The following MYT1L variants were observed in gnomAD, a reference collection of about 807,000 sequenced individuals.
The protein encoded by MYT1L is myelin transcription factor 1 like, also known as myelin transcription factor 1-like protein.
In MYT1L, 12 loss-of-function variants were observed where a neutral mutation model predicts 126.7. The ratio of observed to expected loss-of-function variants is 0.09; its 90% CI spans 0.06 to 0.15. The LOEUF (loss-of-function observed/expected upper bound fraction) is 0.15. Ranked by LOEUF, MYT1L falls within the 10% of genes least tolerant of loss-of-function variation. The pLI is 1.00. For missense variants in MYT1L, 979 were observed against 1,585.2 expected (o/e 0.62, Z 6.49); for synonymous variants, 541 against 604.2 (o/e 0.90, Z 1.53).
At chr2:2,278,864 AC>A (rs1316631329) in intron 2 of MYT1L, among the ~76,000 whole-genome samples, 1 of 152,142 alleles carries the variant, frequency 6.6e-6, no homozygotes, top group Admixed American at 6.5e-5. Flanking sequence ...AGGCCACATC[AC>A]CTAAAGGAAA....
intron 21 of MYT1L, among the ~76,000 whole-genome samples, chr2:1,829,416 C>T (rs113222159): frequency 0.77 from 20 of 26 alleles, 10 homozygotes; most frequent in African/African-American, 1. Flanking sequence ...CACCTGTGAA[C>T]TGACCCTCCC....
intron 2 of MYT1L, among the ~76,000 whole-genome samples, chr2:2,184,107 G>C (rs1304938070): frequency 6.6e-6 from 1 of 151,938 alleles, no homozygotes. Context: ...AAGAAAAGAA[G>C]GGAAGGAGGT....
At chr2:2,173,191 C>A (rs2090301324) in intron 2 of MYT1L, among the ~76,000 whole-genome samples, 1 of 152,168 alleles carries the variant, frequency 6.6e-6, no homozygotes, top group Admixed American at 6.5e-5. Flanking sequence ...GTACTTTTTA[C>A]ACATTTAGTT....
chr2:2,288,422 T>C (rs1189485191), intron 1 of MYT1L, among the ~76,000 whole-genome samples: 2 of 152,218 alleles, frequency 1.3e-5, no homozygotes, highest in Admixed American at 6.5e-5. Flanking sequence ...GAGCAAAGTG[T>C]TTCTCATTAT....
intron 18 of MYT1L, among the ~76,000 whole-genome samples, chr2:1,877,922 C>T (rs746359320): frequency 6.6e-5 from 10 of 152,186 alleles, no homozygotes; most frequent in Non-Finnish European, 1.5e-4. Context: ...CTAATTAATG[C>T]ATCAGCAAGC....
At chr2:2,240,749 T>C (rs1202378127) in intron 2 of MYT1L, among the ~76,000 whole-genome samples, 1 of 152,186 alleles carries the variant, frequency 6.6e-6, no homozygotes, top group Non-Finnish European at 1.5e-5. Flanking sequence ...AGCCCTGAGG[T>C]AAAACACGGT....
At chr2:2,093,750 C>T (rs1047316759) in intron 3 of MYT1L, among the ~76,000 whole-genome samples, 5 of 152,164 alleles carry the variant, frequency 3.3e-5, no homozygotes, top group African/African-American at 9.7e-5. Flanking sequence ...GTGTTTTAGA[C>T]GTGAAGTCCT....
At chr2:2,296,087 C>T (rs1452234392) in intron 1 of MYT1L, among the ~76,000 whole-genome samples, 1 of 152,120 alleles carries the variant, frequency 6.6e-6, no homozygotes, top group Non-Finnish European at 1.5e-5. Flanking sequence ...AAAATATAGA[C>T]AATTTTATTC....
Position 2,309,591 on chromosome 2 carries a change from C to T in MYT1L, c.-521+21376G>A, listed in dbSNP as rs572463849. 5.4e-4 allele frequency among the ~76,000 whole-genome samples: 81 copies of T among 151,226 alleles called. 1 individual carries two copies. In the South Asian group the frequency reaches 0.017, roughly 31 times the overall value. The stretch of plus-strand genomic sequence containing the variant: ...TCAGTATACTTTATCTATACTCCAC[C>T]TTCAGTGTACTCTATCATCTACACT... On this transcript the variant is annotated intron_variant, in intron 1 of 24. Transcript: ENST00000647738.
intron 3 of MYT1L, among the ~76,000 whole-genome samples, chr2:2,159,578 T>C (rs2087465706): frequency 6.6e-6 from 1 of 151,918 alleles, no homozygotes; most frequent in Admixed American, 6.6e-5. Flanking sequence ...CCCACAGGCC[T>C]GTGTTGAGAT....
At chr2:1,993,892 G>A (rs545541297) in intron 5 of MYT1L, among the ~76,000 whole-genome samples, 13 of 152,236 alleles carry the variant, frequency 8.5e-5, no homozygotes, top group Non-Finnish European at 1.5e-4. Flanking sequence ...CACCCTCACC[G>A]TCCACAGCTC....
Position 1,849,844 on chromosome 2 carries a change from C to T in MYT1L, c.2774+1797G>A, listed in dbSNP as rs375752907. Among the ~76,000 whole-genome samples the T allele has an allele frequency of 6.6e-5, 10 of 152,286 alleles. No homozygotes were observed. The South Asian group carries it at 8.3e-4, about 13-fold the overall frequency. ...AATGGCTGGGATGTGAGCACAGGAG[C>T]GAGTTACCTTCAGTGAGATTTTAAT... On this transcript the variant is annotated intron_variant, in intron 19 of 24. Coordinates refer to ENST00000647738, the MANE Select transcript of MYT1L (RefSeq NM_001303052.2).
intron 22 of MYT1L, among the ~76,000 whole-genome samples, chr2:1,804,181 C>T (rs182805121): frequency 6.6e-5 from 10 of 152,234 alleles, no homozygotes; most frequent in Admixed American, 6.5e-4. Context: ...AGTGCAATGG[C>T]GTGACCTTGG....
intron 22 of MYT1L, among the ~76,000 whole-genome samples, chr2:1,807,267 C>T (rs1490645476): frequency 6.6e-6 from 1 of 152,242 alleles, no homozygotes; most frequent in African/African-American, 2.4e-5. Context: ...GGGAGTCCTG[C>T]AGGTACACAC....
At chr2:1,988,610 C>G (rs1466545975) in intron 5 of MYT1L, among the ~76,000 whole-genome samples, 1 of 152,250 alleles carries the variant, frequency 6.6e-6, no homozygotes, top group Non-Finnish European at 1.5e-5. Flanking sequence ...CCTGCTTATG[C>G]TGGGCACAAT....
intron 9 of MYT1L, among the ~76,000 whole-genome samples, chr2:1,933,420 A>C (rs2055295570): frequency 6.6e-6 from 1 of 152,236 alleles, no homozygotes; most frequent in South Asian, 2.1e-4. Flanking sequence ...AGGGGTGAGG[A>C]TGCCTTGGCT....
intron 4 of MYT1L, among the ~76,000 whole-genome samples, chr2:2,004,765 T>TCCGTTCTTTCCTGC (rs2062986977): frequency 1.3e-5 from 1 of 78,416 alleles, no homozygotes; most frequent in African/African-American, 8.4e-5. Flanking sequence ...CTTTCCTGAA[T>TCCGTTCTTTCCTGC]ACGTTCTTTC....
chr2:2,022,137 G>A (rs2065098513), intron 4 of MYT1L, among the ~76,000 whole-genome samples: 1 of 152,180 alleles, frequency 6.6e-6, no homozygotes, highest in Non-Finnish European at 1.5e-5. Context: ...AATAACCTCA[G>A]AATGTTGGTT....
chr2:2,047,031 T>G (rs2068267695), intron 4 of MYT1L, among the ~76,000 whole-genome samples: 1 of 152,238 alleles, frequency 6.6e-6, no homozygotes, highest in South Asian at 2.1e-4. Context: ...ATATTTTTAT[T>G]TGTTAAATTT....
Sources: allele counts gnomAD v4.1 joint callset (sites outside exome capture counted in the v4.1 genomes callset), GRCh38; gene constraint gnomAD v4.1.1; transcripts MANE v1.5; gene names NCBI Gene and HGNC (gene_info 2026-07-23, HGNC 2026-07-21).